RYR3: variants seen among roughly 807,000 people sequenced by gnomAD.
RYR3 encodes brain ryanodine receptor-calcium release channel.
A neutral mutation model predicts 584.3 loss-of-function variants in RYR3; 207 were observed. The observed-to-expected ratio is 0.35, with a 90% CI of 0.32 to 0.40. RYR3 has a LOEUF of 0.40. RYR3 is among the 10% of genes least tolerant of loss of function. The pLI is 1.00. For synonymous variants in RYR3, 2,416 were observed against 2,248.5 expected (o/e 1.07, Z -2.11); for missense variants, 5,616 against 6,089.2 (o/e 0.92, Z 2.59).
intron 33 of RYR3, 135 bp from the exon 34 acceptor site, chr15:33,660,062 G>A: frequency 1.5e-6 from 1 of 660,652 alleles, no homozygotes; most frequent in Non-Finnish European, 2.7e-6. Context: ...GCTAATTAAT[G>A]CTGGTAAAGC....
chr15:33,785,538 G>T, intron 65 of RYR3, 124 bp from the exon 66 acceptor site: 1 of 763,444 alleles, frequency 1.3e-6, no homozygotes, highest in South Asian at 2.0e-5. Flanking sequence ...CCACATCCAA[G>T]CTCACTGCTG....
At chr15:33,623,722 G>A in intron 19 of RYR3, 85 bp from the exon 20 acceptor site, 1 of 949,252 alleles carries the variant, frequency 1.1e-6, no homozygotes, top group Non-Finnish European at 1.6e-6. Flanking sequence ...AGGGTGGGAG[G>A]TAGGGATTGA....
intron 1 of RYR3, among the ~76,000 whole-genome samples, chr15:33,454,156 A>T (rs2047353881): frequency 6.6e-6 from 1 of 152,214 alleles, no homozygotes; most frequent in Admixed American, 6.5e-5. Context: ...TAGTATTGGA[A>T]AACATGGCTT....
At chr15:33,391,355 C>A (rs776367514) in intron 1 of RYR3, among the ~76,000 whole-genome samples, 3 of 152,060 alleles carry the variant, frequency 2.0e-5, no homozygotes, top group Non-Finnish European at 2.9e-5. Context: ...GGGCCAGGTG[C>A]GGTGGCTCAC....
chr15:33,775,302 G>C (rs2073921636), intron 64 of RYR3, among the ~76,000 whole-genome samples: 1 of 144,962 alleles, frequency 6.9e-6, no homozygotes, highest in Non-Finnish European at 1.5e-5. Flanking sequence ...TCTGTGTGTT[G>C]GTTATTAGGT....
chr15:33,319,735 T>C (rs1968688661), intron 1 of RYR3, among the ~76,000 whole-genome samples: 1 of 152,164 alleles, frequency 6.6e-6, no homozygotes, highest in Admixed American at 6.5e-5. Flanking sequence ...CTCAGAGATG[T>C]CCTGAAGAAA....
chr15:33,838,832 C>T lies in RYR3; in HGVS notation c.12852C>T (p.Leu4284=), dbSNP rs945158896. The part of the protein sequence containing the change: ...DTDIMSDLFG[L]HPKKEGSLKH... ...ATATCATGTCAGACCTCTTTGGACTCCACCCAAAGAAAGAGGGCAGCTTAA... is the reference window on the plus strand; with the variant it reads ...ATATCATGTCAGACCTCTTTGGACTTCACCCAAAGAAAGAGGGCAGCTTAA... The change falls in exon 89 of 104, where the codon CTC becomes CTT. Residue 4284 remains leucine (L), a synonymous_variant. Coordinates refer to ENST00000634891, the MANE Select transcript of RYR3 (RefSeq NM_001036.6). The T allele has an allele frequency of 3.1e-6, 5 of 1,613,862 alleles. No individual in the cohort carries two copies. Among genetic ancestry groups the T allele is most frequent in the Non-Finnish European group, 2.5e-6 (3 of 1,179,854 alleles).
At chr15:33,397,873 G>A (rs780776138) in intron 1 of RYR3, among the ~76,000 whole-genome samples, 1 of 152,118 alleles carries the variant, frequency 6.6e-6, no homozygotes, top group Non-Finnish European at 1.5e-5. Context: ...ACAGAAGAGG[G>A]GGGTGTAATG....
rs149120709 is a variant in RYR3 at position 33,771,359 on chromosome 15, C to T, written c.8817-561C>T. 2.8e-4 allele frequency among the ~76,000 whole-genome samples: 43 copies of T among 152,222 alleles called. 1 individual carries two copies. The East Asian group carries it at 6.6e-3, about 23-fold the overall frequency. On this transcript the variant is annotated intron_variant, in intron 62 of 103. Transcript: ENST00000634891. ...GACCATCCTGGCCAACATGGTGAAA[C>T]CCCGTCTCTACTAAAAATACAAAAA...
At chr15:33,441,859 C>T (rs1412117405) in intron 1 of RYR3, among the ~76,000 whole-genome samples, 1 of 152,140 alleles carries the variant, frequency 6.6e-6, no homozygotes, top group African/African-American at 2.4e-5. Flanking sequence ...TTGATGGTGA[C>T]TGAATTATTT....
intron 11 of RYR3, among the ~76,000 whole-genome samples, chr15:33,563,262 A>C (rs1595607262): frequency 6.6e-6 from 1 of 152,244 alleles, no homozygotes; most frequent in South Asian, 2.1e-4. Flanking sequence ...TATTTAATGT[A>C]CTCTAAAGCC....
chr15:33,854,753 C>A lies in RYR3; in HGVS notation c.13861-13C>A. 1 of 1,590,202 alleles carries A rather than the reference C, an allele frequency of 6.3e-7. No individual in the cohort carries two copies. The highest frequency in any genetic ancestry group is 8.5e-7 in the Non-Finnish European group (1 of 1,172,792). On this transcript the variant is annotated splice_polypyrimidine_tract_variant and intron_variant, in intron 97 of 103. Coordinates refer to ENST00000634891, the MANE Select transcript of RYR3 (RefSeq NM_001036.6). ...GCAAACATGCTTAAAAGTCTGCTTT[C>A]TTCCATTCCCAGTCCTTTCTCTACC...
intron 50 of RYR3, among the ~76,000 whole-genome samples, chr15:33,739,613 T>G (rs537070943): frequency 5.2e-5 from 6 of 114,678 alleles, no homozygotes; most frequent in Non-Finnish European, 1.1e-4. Flanking sequence ...TTTTTCAACT[T>G]AAAGCAAATG....
chr15:33,494,759 C>G (rs1409533161), intron 2 of RYR3, among the ~76,000 whole-genome samples: 1 of 152,152 alleles, frequency 6.6e-6, no homozygotes, highest in East Asian at 1.9e-4. Context: ...CATTATAGCT[C>G]AAATGTTGTG....
intron 12 of RYR3, among the ~76,000 whole-genome samples, chr15:33,577,664 C>G (rs149327089): frequency 6.6e-6 from 1 of 152,050 alleles, no homozygotes; most frequent in Non-Finnish European, 1.5e-5. Context: ...CTATAAAAAC[C>G]CTAGAAGAAA....
At chr15:33,625,375 C>T (rs2060932635) in intron 20 of RYR3, among the ~76,000 whole-genome samples, 1 of 152,156 alleles carries the variant, frequency 6.6e-6, no homozygotes, top group South Asian at 2.1e-4. Flanking sequence ...TTCAGTATTT[C>T]TCTGCCTGCT....
chr15:33,461,177 C>G (rs966551473), intron 1 of RYR3, among the ~76,000 whole-genome samples: 6 of 151,868 alleles, frequency 4.0e-5, no homozygotes, highest in African/African-American at 1.5e-4. Flanking sequence ...ATCTCCTGAC[C>G]TCGTGACCCG....
At chr15:33,723,971 A>G (rs1016205982) in intron 44 of RYR3, 94 bp from the exon 45 acceptor site, 3 of 660,544 alleles carry the variant, frequency 4.5e-6, no homozygotes, top group Non-Finnish European at 8.2e-6. Flanking sequence ...ATATGCAAGA[A>G]GAGCAGAGTG....
intron 2 of RYR3, among the ~76,000 whole-genome samples, chr15:33,489,156 T>C (rs550689872): frequency 6.6e-6 from 1 of 152,178 alleles, no homozygotes; most frequent in East Asian, 1.9e-4. Context: ...TGCCTACAAT[T>C]TTTTTTAGAA....
Sources: gnomAD v4.1 joint callset for allele counts (sites outside exome capture counted in the v4.1 genomes callset) on GRCh38, gnomAD v4.1.1 for gene constraint, MANE v1.5 for transcripts, NCBI Gene and HGNC (gene_info 2026-07-23, HGNC 2026-07-21) for gene names.